UBOX5: variants seen among roughly 807,000 people sequenced by gnomAD.
UBOX5 encodes U-box domain containing 5.
Under a neutral mutation model 39.0 loss-of-function variants are expected in UBOX5, and 28 were observed. That is an observed-to-expected ratio of 0.72 (90% CI 0.53 to 0.98). The LOEUF is 0.98. Among genes scored for constraint, UBOX5 ranks in the 50% least tolerant of loss-of-function variants. The pLI, the probability that UBOX5 is intolerant of heterozygous loss-of-function variation, is 0.00. For synonymous variants in UBOX5, 283 were observed against 275.5 expected (o/e 1.03, Z -0.27); for missense variants, 585 against 674.4 (o/e 0.87, Z 1.47).
rs527615355 is a variant in UBOX5 at position 3,124,612 on chromosome 20, C to A, written c.-41-1206G>T. On this transcript the variant is annotated intron_variant, in intron 1 of 4. Coordinates refer to ENST00000217173, the MANE Select transcript of UBOX5 (RefSeq NM_014948.4). ...GTCTGGGATGTGAGGAGAGCCTCTG[C>A]CCAGCTGCCCCATCTGGGATGTGAG... is the stretch of plus-strand genomic sequence containing the variant. 3.3e-5 allele frequency among the ~76,000 whole-genome samples: 5 copies of A among 151,918 alleles called. No homozygotes were observed. In the South Asian group the frequency reaches 1.0e-3, roughly 32 times the overall value.
Position 3,121,655 on chromosome 20 carries a change from A to C in UBOX5, c.984T>G (p.Ile328Met). 1 of 1,613,448 alleles carries C rather than the reference A, an allele frequency of 6.2e-7. No individual in the cohort carries two copies. The highest frequency in any genetic ancestry group is 8.5e-7 in the Non-Finnish European group (1 of 1,179,772). The stretch of plus-strand genomic sequence containing the variant: ...TGGAGTGCTGGAGCAGGAAATGGTC[A>C]ATCCGGGCCTTGAGGGAGGGGTGAG... The part of the protein sequence containing the change: ...PLPHPSLKAR[I>M]DHFLLQHSIP... The change falls in exon 3 of 5, where the codon ATT (isoleucine) becomes ATG (methionine). Residue 328 changes from isoleucine (I) to methionine (M), a missense_variant. Physicochemically the swap from Ile to Met is conservative, Grantham distance 10. Coordinates refer to ENST00000217173, the MANE Select transcript of UBOX5 (RefSeq NM_014948.4).
chr20:3,132,440 T>C (rs1048896999), intron 1 of UBOX5, among the ~76,000 whole-genome samples: 6 of 152,178 alleles, frequency 3.9e-5, no homozygotes, highest in Non-Finnish European at 7.3e-5. Context: ...ACTAAGATGT[T>C]AATAGCATTA....
chr20:3,113,120 A>C (rs1210497739), intron 4 of UBOX5, among the ~76,000 whole-genome samples: 2 of 22,798 alleles, frequency 8.8e-5, no homozygotes, highest in Admixed American at 4.6e-4. Context: ...CTAAATATAC[A>C]AAAAAAAAAA....
chr20:3,140,771 G>T (rs113299095), intron 1 of UBOX5, among the ~76,000 whole-genome samples: 1 of 151,758 alleles, frequency 6.6e-6, no homozygotes, highest in Non-Finnish European at 1.5e-5. Flanking sequence ...TGTTACCTGG[G>T]TATATTGCAT....
chr20:3,124,384 C>T (rs542017075), intron 1 of UBOX5, among the ~76,000 whole-genome samples: 156 of 152,314 alleles, frequency 1.0e-3, no homozygotes, highest in Non-Finnish European at 1.8e-3. Context: ...CTTGGCCTCC[C>T]GAGGTGCTGG....
At chr20:3,118,861 C>T (rs1049926381) in intron 3 of UBOX5, among the ~76,000 whole-genome samples, 1 of 151,958 alleles carries the variant, frequency 6.6e-6, no homozygotes, top group Non-Finnish European at 1.5e-5. Context: ...ATTGCTTGAA[C>T]CCGGGAGGCA....
intron 3 of UBOX5, among the ~76,000 whole-genome samples, chr20:3,115,684 T>C (rs2066288603): frequency 6.6e-6 from 1 of 150,624 alleles, no homozygotes; most frequent in East Asian, 1.9e-4. Flanking sequence ...CTTCAGGCTT[T>C]TCTCCTCCTG....
At chr20:3,135,833 G>C (rs116250301) in intron 1 of UBOX5, among the ~76,000 whole-genome samples, 2 of 152,022 alleles carry the variant, frequency 1.3e-5, no homozygotes, top group Non-Finnish European at 2.9e-5. Context: ...AGTCATCGGT[G>C]AATCATTATC....
At chr20:3,130,333 CTTTT>C (rs5839987) in intron 1 of UBOX5, among the ~76,000 whole-genome samples, 7 of 132,228 alleles carry the variant, frequency 5.3e-5, no homozygotes, top group Non-Finnish European at 7.9e-5. Context: ...TTGTTTATGC[CTTTT>C]TTTTTTTTTT....
chr20:3,115,255 A>G, intron 4 of UBOX5, 50 bp downstream of exon 4: 1 of 1,560,070 alleles, frequency 6.4e-7, no homozygotes, highest in Non-Finnish European at 8.7e-7. Context: ...AGAGACAGAA[A>G]ACAGACCACC....
At chr20:3,134,731 C>T (rs1297812330) in intron 1 of UBOX5, among the ~76,000 whole-genome samples, 1 of 149,078 alleles carries the variant, frequency 6.7e-6, no homozygotes, top group African/African-American at 2.5e-5. Context: ...TGGTGGCGGG[C>T]GCCTGTAATC....
intron 3 of UBOX5, among the ~76,000 whole-genome samples, chr20:3,115,740 G>A (rs1273656448): frequency 6.9e-6 from 1 of 144,368 alleles, no homozygotes; most frequent in Non-Finnish European, 1.5e-5. Context: ...CTCAACTGCA[G>A]AACTGCACGC....
At chr20:3,159,056 A>G (rs1047383658) in intron 1 of UBOX5, among the ~76,000 whole-genome samples, 1 of 152,174 alleles carries the variant, frequency 6.6e-6, no homozygotes, top group Non-Finnish European at 1.5e-5. Flanking sequence ...AACACAGCTG[A>G]TATGAGGGGA....
intron 3 of UBOX5, among the ~76,000 whole-genome samples, chr20:3,118,127 C>T (rs968882890): frequency 6.6e-5 from 10 of 152,178 alleles, no homozygotes; most frequent in Non-Finnish European, 1.5e-5. Context: ...CACTGCTGCA[C>T]TCCAGCCTGG....
intron 4 of UBOX5, among the ~76,000 whole-genome samples, chr20:3,112,346 G>A (rs2066259957): frequency 6.6e-6 from 1 of 151,478 alleles, no homozygotes; most frequent in Non-Finnish European, 1.5e-5. Context: ...GCATGCAAGG[G>A]CCCCAATTGC....
rs1263586067 is a variant in UBOX5 at position 3,109,898 on chromosome 20, C to T, written c.*208G>A. 3.1e-6 allele frequency: 2 copies of T among 637,904 alleles called. No homozygotes were observed. Among genetic ancestry groups the T allele is most frequent in the East Asian group, 5.6e-5 (2 of 35,890 alleles). 39.5% of individuals were successfully genotyped at this position (637,904 alleles called of 1,614,324 possible). On this transcript the variant is annotated 3_prime_UTR_variant, in exon 5 of 5. Transcript: ENST00000217173. The stretch of plus-strand genomic sequence containing the variant: ...GGGTGGCAGGGAGGCAGGGACATCC[C>T]CCCGCCCTCTGGCCTATGGCTTTGT...
At chr20:3,157,457 T>A (rs1568485058) in intron 1 of UBOX5, among the ~76,000 whole-genome samples, 1 of 152,206 alleles carries the variant, frequency 6.6e-6, no homozygotes, top group African/African-American at 2.4e-5. Context: ...TCACAAACAT[T>A]TGTGAAACTT....
At chr20:3,157,309 G>T (rs2066696181) in intron 1 of UBOX5, among the ~76,000 whole-genome samples, 2 of 152,184 alleles carry the variant, frequency 1.3e-5, no homozygotes, top group South Asian at 4.1e-4. Flanking sequence ...TACTGCGAAG[G>T]TGAAGCACTA....
At position 3,109,963 on chromosome 20, in the gene UBOX5, G is replaced by T; in HGVS notation, c.*143C>A. On this transcript the variant is annotated 3_prime_UTR_variant, in exon 5 of 5. Coordinates refer to ENST00000217173, the MANE Select transcript of UBOX5 (RefSeq NM_014948.4). Reference sequence around the variant, plus strand: ...CAGCGCAGAAGCAATGTGCTATACCGTGAGGTGATGAAGAAGAGCCCCGGG... The same window carrying T: ...CAGCGCAGAAGCAATGTGCTATACCTTGAGGTGATGAAGAAGAGCCCCGGG... The T allele has an allele frequency of 1.1e-6, 1 of 909,690 alleles. No homozygotes were observed. The highest frequency in any genetic ancestry group is 1.7e-6 in the Non-Finnish European group (1 of 592,010). 56.4% of individuals were successfully genotyped at this position (909,690 alleles called of 1,614,324 possible).
Sources: gnomAD v4.1 joint callset for allele counts (sites outside exome capture counted in the v4.1 genomes callset) on GRCh38, gnomAD v4.1.1 for gene constraint, MANE v1.5 for transcripts, NCBI Gene and HGNC (gene_info 2026-07-23, HGNC 2026-07-21) for gene names.